Variants in PFDN1 observed in about 807,000 individuals in gnomAD.
PFDN1 encodes prefoldin subunit 1, also known as prefoldin 1.
A neutral mutation model predicts 17.3 loss-of-function variants in PFDN1; 6 were observed. The ratio of observed to expected loss-of-function variants is 0.35; its 90% CI spans 0.19 to 0.69. PFDN1 has a LOEUF of 0.69. Among genes scored for constraint, PFDN1 ranks in the 30% least tolerant of loss-of-function variants. The probability of loss-of-function intolerance (pLI) is 0.65; values close to 1 mark genes in which losing one functional copy is unlikely to be tolerated. For missense variants in PFDN1, 113 were observed against 146.2 expected, an observed-to-expected ratio of 0.77 and a Z score of 1.17; for synonymous variants, 58 against 50.1, an observed-to-expected ratio of 1.16 and a Z score of -0.67.
intron 3 of PFDN1, among the ~76,000 whole-genome samples, chr5:140,255,448 T>A (rs943568410): frequency 6.6e-6 from 1 of 152,112 alleles, no homozygotes; most frequent in African/African-American, 2.4e-5. Flanking sequence ...AGTGAGACCC[T>A]ATCTCTACAG....
chr5:140,287,391 A>C (rs1168641142), intron 2 of PFDN1, among the ~76,000 whole-genome samples: 1 of 152,274 alleles, frequency 6.6e-6, no homozygotes, highest in African/African-American at 2.4e-5. Context: ...CACATGAATT[A>C]GTAGCATATA....
chr5:140,281,998 C>T (rs1394009930), intron 2 of PFDN1: 2 of 152,590 alleles, frequency 1.3e-5, no homozygotes, highest in Non-Finnish European at 2.9e-5. Context: ...GCCCAGGCAA[C>T]ATGATGAGAC....
At position 140,245,800 on chromosome 5, in the gene PFDN1, A is replaced by G. The variant is rs757369669; in HGVS notation, c.*174T>C. On this transcript the variant is annotated 3_prime_UTR_variant, in exon 4 of 4. Coordinates refer to ENST00000261813, the MANE Select transcript of PFDN1 (RefSeq NM_002622.5). Reference sequence around the variant, plus strand: ...GAGGTGGCAGGCAAAGCCGGGTAAAAACTCCAGGGCTGGGAAGCAAATGGG... The same window carrying G: ...GAGGTGGCAGGCAAAGCCGGGTAAAGACTCCAGGGCTGGGAAGCAAATGGG... 1.5e-5 allele frequency: 9 copies of G among 615,728 alleles called. No individual in the cohort carries two copies. Among genetic ancestry groups the G allele is most frequent in the Non-Finnish European group, 2.6e-5 (9 of 345,208 alleles). 38.1% of individuals were successfully genotyped at this position (615,728 alleles called of 1,614,324 possible).
intron 2 of PFDN1, among the ~76,000 whole-genome samples, chr5:140,299,662 A>C (rs1243917903): frequency 1.3e-5 from 2 of 152,106 alleles, no homozygotes; most frequent in Non-Finnish European, 2.9e-5. Context: ...CCTGAAGTTC[A>C]GCTCCTCATT....
chr5:140,288,801 A>G (rs1765536683), intron 2 of PFDN1, among the ~76,000 whole-genome samples: 1 of 152,092 alleles, frequency 6.6e-6, no homozygotes, highest in Non-Finnish European at 1.5e-5. Context: ...CCTGGACAAC[A>G]TGACAAAACT....
chr5:140,257,249 G>A (rs1300429911), intron 3 of PFDN1, among the ~76,000 whole-genome samples: 1 of 148,888 alleles, frequency 6.7e-6, no homozygotes, highest in Non-Finnish European at 1.5e-5. Flanking sequence ...AGCCTCTAAT[G>A]GTTTCACCTC....
At chr5:140,278,557 CAAAAAAAAAAAAAAAA>C (rs113129230) in intron 3 of PFDN1, among the ~76,000 whole-genome samples, 3 of 79,014 alleles carry the variant, frequency 3.8e-5, no homozygotes, top group Admixed American at 3.3e-4. Flanking sequence ...GACTCTGTCT[CAAAAAAAAAAAAAAAA>C]AAAAAAAAAA....
chr5:140,288,873 G>C (rs1285370287), intron 2 of PFDN1, among the ~76,000 whole-genome samples: 1 of 151,998 alleles, frequency 6.6e-6, no homozygotes, highest in Non-Finnish European at 1.5e-5. Flanking sequence ...GTAGTTCCAG[G>C]TACTCGGGAG....
chr5:140,302,771 A>ATGTC (rs922684018), intron 1 of PFDN1, among the ~76,000 whole-genome samples: 21 of 152,112 alleles, frequency 1.4e-4, no homozygotes, highest in Admixed American at 5.2e-4. Flanking sequence ...ACGCAACGAA[A>ATGTC]TGTCTCTGGA....
intron 3 of PFDN1, among the ~76,000 whole-genome samples, chr5:140,249,115 CTCA>C (rs1764872841): frequency 6.6e-6 from 1 of 152,234 alleles, no homozygotes; most frequent in Non-Finnish European, 1.5e-5. Flanking sequence ...CCAGAAGACT[CTCA>C]TCATAATCAA....
chr5:140,284,947 C>T (rs1171881698), intron 2 of PFDN1, among the ~76,000 whole-genome samples: 1 of 152,146 alleles, frequency 6.6e-6, no homozygotes, highest in Non-Finnish European at 1.5e-5. Context: ...CATCAGACTC[C>T]GTTTTCTAAA....
chr5:140,265,274 AG>A (rs1293782579), intron 3 of PFDN1, among the ~76,000 whole-genome samples: 4 of 152,108 alleles, frequency 2.6e-5, no homozygotes, highest in Admixed American at 2.0e-4. Flanking sequence ...GTATCAGCAG[AG>A]GGTTGCCCAT....
chr5:140,298,878 G>A (rs185930641), intron 2 of PFDN1, among the ~76,000 whole-genome samples: 4 of 151,698 alleles, frequency 2.6e-5, no homozygotes, highest in South Asian at 2.1e-4. Flanking sequence ...CCTCAGTCTC[G>A]TAACTGGGAT....
chr5:140,289,374 A>G (rs1487822320), intron 2 of PFDN1, among the ~76,000 whole-genome samples: 1 of 152,240 alleles, frequency 6.6e-6, no homozygotes, highest in Non-Finnish European at 1.5e-5. Context: ...ACAGACATAC[A>G]GCACCTAGAC....
At chr5:140,285,467 C>T (rs1765472884) in intron 2 of PFDN1, among the ~76,000 whole-genome samples, 1 of 151,562 alleles carries the variant, frequency 6.6e-6, no homozygotes, top group African/African-American at 2.4e-5. Flanking sequence ...ATAAATTGAA[C>T]TTCTTTTTTT....
rs1561510679 is a variant in PFDN1 at position 140,281,567 on chromosome 5, CAT to C, written c.201-36_201-35del. On this transcript the variant is annotated intron_variant, in intron 2 of 3. Coordinates refer to ENST00000261813, the MANE Select transcript of PFDN1 (RefSeq NM_002622.5). ...CACAAGAAAGTTGAAAATTAAGCCA[CAT>C]GACTATTGAATTCATCGAAATCAAT... 3 of 1,067,482 alleles carry C rather than the reference CAT, an allele frequency of 2.8e-6. No homozygotes were observed. In the East Asian group the frequency reaches 7.1e-5, roughly 25 times the overall value. 66.1% of individuals were successfully genotyped at this position (1,067,482 alleles called of 1,614,324 possible).
At chr5:140,273,244 CAAAAA>C (rs1204221243) in intron 3 of PFDN1, among the ~76,000 whole-genome samples, 1 of 67,256 alleles carries the variant, frequency 1.5e-5, no homozygotes, top group African/African-American at 6.1e-5. Context: ...GACTCCATCT[CAAAAA>C]AAAAAAAAAA....
In PFDN1 at chr5:140,245,607, C is replaced by G. The variant is rs1764817460; in HGVS notation, c.*367G>C. 1.4e-6 allele frequency: 1 copy of G among 701,376 alleles called. No individual in the cohort carries two copies. The highest frequency in any genetic ancestry group is 2.6e-6 in the Non-Finnish European group (1 of 384,760). The allele number at this position is 701,376 out of a possible 1,614,324, so 43.4% of individuals were successfully genotyped here. On this transcript the variant is annotated 3_prime_UTR_variant, in exon 4 of 4. Coordinates refer to ENST00000261813, the MANE Select transcript of PFDN1 (RefSeq NM_002622.5). ...GCCTCTCTCACCCTCTGTTCCATCC[C>G]TCTGCTCAAGAAAACCAGGCTTAGC...
chr5:140,294,625 T>C (rs1181002078), intron 2 of PFDN1, among the ~76,000 whole-genome samples: 1 of 152,110 alleles, frequency 6.6e-6, no homozygotes, highest in Non-Finnish European at 1.5e-5. Flanking sequence ...CAAAGGGCAG[T>C]TCAGCCAAGC....
Sources: gnomAD v4.1 joint callset for allele counts (sites outside exome capture counted in the v4.1 genomes callset) on GRCh38, gnomAD v4.1.1 for gene constraint, MANE v1.5 for transcripts, NCBI Gene and HGNC (gene_info 2026-07-23, HGNC 2026-07-21) for gene names.